UBE3A: variants seen among roughly 807,000 people sequenced by gnomAD.
UBE3A encodes ubiquitin-protein ligase E3A.
UBE3A carries 6 observed loss-of-function variants against 83.4 expected under a neutral mutation model. That is an observed-to-expected ratio of 0.07 (90% CI 0.04 to 0.14). The LOEUF (loss-of-function observed/expected upper bound fraction) is 0.14. UBE3A is among the 10% of genes least tolerant of loss of function. The pLI, the probability that UBE3A is intolerant of heterozygous loss-of-function variation, is 1.00. For missense variants in UBE3A, 456 were observed against 1,036.1 expected (o/e 0.44, Z 7.69); for synonymous variants, 337 against 355.4 (o/e 0.95, Z 0.58).
At chr15:25,386,106 A>T (rs2083077985) in intron 4 of UBE3A, among the ~76,000 whole-genome samples, 1 of 151,838 alleles carries the variant, frequency 6.6e-6, no homozygotes, top group South Asian at 2.1e-4. Context: ...ACTTCAGGCC[A>T]TTATAGCTAT....
chr15:25,354,259 A>G (rs2152681461), intron 11 of UBE3A, 94 bp downstream of exon 11: 1 of 1,090,934 alleles, frequency 9.2e-7, no homozygotes, highest in Non-Finnish European at 1.4e-6. Flanking sequence ...GAGTTTGCTT[A>G]TTTGGGAATT....
intron 1 of UBE3A, among the ~76,000 whole-genome samples, chr15:25,435,640 C>CA (rs1215303333): frequency 2.0e-5 from 3 of 152,162 alleles, no homozygotes; most frequent in African/African-American, 7.2e-5. Context: ...AGAGGGCCCT[C>CA]ACTAAGATGT....
intron 9 of UBE3A, 101 bp from the exon 10 acceptor site, chr15:25,354,784 C>T: frequency 8.9e-7 from 1 of 1,122,662 alleles, no homozygotes; most frequent in Admixed American, 2.5e-5. Context: ...AAGAAAAAAA[C>T]ATTCAAGAAT....
intron 5 of UBE3A, among the ~76,000 whole-genome samples, chr15:25,372,401 T>C (rs1179540339): frequency 6.6e-6 from 1 of 152,226 alleles, no homozygotes; most frequent in Non-Finnish European, 1.5e-5. Context: ...TCATCGGCTC[T>C]TAAGTAGAAA....
Position 25,335,853 on chromosome 15 carries a change from A to T in UBE3A, c.*3284T>A, listed in dbSNP as rs530445944. ...CAGAATTGGAGGAGTATCCATCTAA[A>T]ATCTGGGTAAACTGGGATGGAAAAA... On this transcript the variant is annotated 3_prime_UTR_variant, in exon 13 of 13. Coordinates refer to ENST00000648336, the MANE Select transcript of UBE3A (RefSeq NM_130839.5). 9 of 152,312 alleles carry T rather than the reference A, an allele frequency of 5.9e-5. No homozygotes were observed. In the South Asian group the frequency reaches 1.9e-3, roughly 32 times the overall value. The allele number at this position is 152,312 out of a possible 1,614,324, so 9.4% of individuals were successfully genotyped here.
intron 11 of UBE3A, among the ~76,000 whole-genome samples, chr15:25,352,150 G>A (rs1164577188): frequency 6.6e-6 from 1 of 152,150 alleles, no homozygotes; most frequent in Non-Finnish European, 1.5e-5. Context: ...AACTGAGACT[G>A]CGCCACTGCA....
chr15:25,394,191 T>C (rs1258378539), intron 4 of UBE3A, among the ~76,000 whole-genome samples: 1 of 152,218 alleles, frequency 6.6e-6, no homozygotes, highest in African/African-American at 2.4e-5. Flanking sequence ...GAAGCTGAGG[T>C]ATATGACCTA....
At position 25,334,371 on chromosome 15, in the gene UBE3A, C is replaced by T. The variant is rs1595326432; in HGVS notation, c.*4766G>A. 1 of 152,070 alleles carries T rather than the reference C, an allele frequency of 6.6e-6. No homozygotes were observed. The highest frequency in any genetic ancestry group is 1.9e-4 in the East Asian group (1 of 5,190). The allele number at this position is 152,070 out of a possible 1,614,324, so 9.4% of individuals were successfully genotyped here. A position where few individuals can be genotyped will look rare whatever the true frequency, so the allele number is the denominator to read the frequency against. On this transcript the variant is annotated 3_prime_UTR_variant, in exon 13 of 13. Coordinates refer to ENST00000648336, the MANE Select transcript of UBE3A (RefSeq NM_130839.5). Reference sequence around the variant, plus strand: ...AAAATTAAAGACGTCAAGACTTGCACACTGAAATCTCTAAAACATCACTGA... The same window carrying T: ...AAAATTAAAGACGTCAAGACTTGCATACTGAAATCTCTAAAACATCACTGA...
chr15:25,406,950 A>C, intron 3 of UBE3A: 2 of 468,800 alleles, frequency 4.3e-6, no homozygotes, highest in Non-Finnish European at 6.2e-6. Flanking sequence ...ACAAAATTAC[A>C]TAACAACTAA....
intron 10 of UBE3A, 47 bp downstream of exon 10, chr15:25,354,481 A>G: frequency 1.2e-6 from 2 of 1,613,852 alleles, no homozygotes; most frequent in Non-Finnish European, 1.7e-6. Flanking sequence ...GTATCATTAC[A>G]AACAATAAAT....
At chr15:25,379,522 A>G (rs2081805547) in intron 4 of UBE3A, among the ~76,000 whole-genome samples, 1 of 152,196 alleles carries the variant, frequency 6.6e-6, no homozygotes. Flanking sequence ...CTCCAAGTTA[A>G]TGGTGGAATC....
At chr15:25,434,474 A>T (rs1286787489) in intron 1 of UBE3A, among the ~76,000 whole-genome samples, 1 of 152,210 alleles carries the variant, frequency 6.6e-6, no homozygotes, top group Non-Finnish European at 1.5e-5. Flanking sequence ...AGTATTTCAA[A>T]CATTTCGTGT....
At chr15:25,429,897 C>A (rs930070268) in intron 1 of UBE3A, among the ~76,000 whole-genome samples, 18 of 148,088 alleles carry the variant, frequency 1.2e-4, no homozygotes, top group Admixed American at 6.9e-5. Flanking sequence ...CTCTGCTACT[C>A]AGGAGGCTGA....
Position 25,408,601 on chromosome 15 carries a change from A to T in UBE3A, c.20+487T>A, listed in dbSNP as rs1051882704. The T allele has an allele frequency of 1.9e-6, 3 of 1,613,902 alleles. No individual in the cohort carries two copies. The African/African-American group carries it at 4.0e-5, about 22-fold the overall frequency. On this transcript the variant is annotated intron_variant, in intron 3 of 12. Transcript: ENST00000648336. Reference sequence around the variant, plus strand: ...CTGAATACTGCAGCATGAGCTAGCAAATTCAAATGGTGGCTCACTTCCAAT... The same window carrying T: ...CTGAATACTGCAGCATGAGCTAGCATATTCAAATGGTGGCTCACTTCCAAT...
At chr15:25,384,927 T>A (rs1275881287) in intron 4 of UBE3A, among the ~76,000 whole-genome samples, 1 of 152,208 alleles carries the variant, frequency 6.6e-6, no homozygotes, top group Non-Finnish European at 1.5e-5. Context: ...AGTTGGAGCC[T>A]TATCTCACAC....
chr15:25,432,882 C>T (rs1893880009), intron 1 of UBE3A, among the ~76,000 whole-genome samples: 1 of 152,186 alleles, frequency 6.6e-6, no homozygotes, highest in Non-Finnish European at 1.5e-5. Flanking sequence ...CTATAATTCA[C>T]ATGTGATTCC....
chr15:25,437,654 T>G (rs1218952964), intron 1 of UBE3A, among the ~76,000 whole-genome samples: 1 of 152,214 alleles, frequency 6.6e-6, no homozygotes, highest in Non-Finnish European at 1.5e-5. Flanking sequence ...TAATTTAGCA[T>G]ATCCATAAAA....
intron 11 of UBE3A, chr15:25,346,896 A>G (rs1275992773): frequency 6.6e-6 from 1 of 151,392 alleles, no homozygotes; most frequent in Non-Finnish European, 1.5e-5. Context: ...TAGAATGGAG[A>G]AAAGAGTGAC....
intron 4 of UBE3A, among the ~76,000 whole-genome samples, chr15:25,382,578 TA>T (rs1222036356): frequency 2.7e-5 from 4 of 146,454 alleles, no homozygotes; most frequent in East Asian, 2.0e-4. Context: ...TACCAAAAAA[TA>T]AAAAAAATAA....
Sources: gnomAD v4.1 joint callset for allele counts (sites outside exome capture counted in the v4.1 genomes callset) on GRCh38, gnomAD v4.1.1 for gene constraint, MANE v1.5 for transcripts, NCBI Gene and HGNC (gene_info 2026-07-23, HGNC 2026-07-21) for gene names.